The following USP46 variants were observed in gnomAD, a reference collection of about 807,000 sequenced individuals.
USP46 encodes the protein ubiquitin specific peptidase 46.
USP46 carries 12 observed loss-of-function variants against 44.4 expected under a neutral mutation model. The observed-to-expected ratio is 0.27, with a 90% CI of 0.17 to 0.44. The LOEUF is 0.44. USP46 is among the 20% of genes least tolerant of loss of function. The probability of loss-of-function intolerance (pLI) is 1.00; values close to 1 mark genes in which losing one functional copy is unlikely to be tolerated. For synonymous variants in USP46, 155 were observed against 161.5 expected (o/e 0.96, Z 0.31); for missense variants, 248 against 444.8 (o/e 0.56, Z 3.98).
chr4:52,638,524 T>A (rs1420882163), intron 1 of USP46, among the ~76,000 whole-genome samples: 1 of 151,702 alleles, frequency 6.6e-6, no homozygotes, highest in East Asian at 1.9e-4. Flanking sequence ...CCCCGCCCCA[T>A]GCTCTACTCC....
chr4:52,648,161 C>A (rs1330068461), intron 1 of USP46, among the ~76,000 whole-genome samples: 2 of 152,214 alleles, frequency 1.3e-5, no homozygotes, highest in African/African-American at 4.8e-5. Context: ...CCAACCATAT[C>A]TCAGCCATGT....
At position 52,591,866 on chromosome 4, in the gene USP46, A is replaced by G. The variant is rs1716031128; in HGVS notation, c.*5774T>C. ...TTTAGAAATAACAGATATTTGATTC[A>G]TAAAGCTCACTGTTGAGGCTTTCAT... On this transcript the variant is annotated 3_prime_UTR_variant, in exon 9 of 9. Coordinates refer to ENST00000441222, the MANE Select transcript of USP46 (RefSeq NM_022832.4). 1 of 152,258 alleles carries G rather than the reference A, an allele frequency of 6.6e-6. No homozygotes were observed. The highest frequency in any genetic ancestry group is 1.5e-5 in the Non-Finnish European group (1 of 68,034). 9.4% of individuals were successfully genotyped at this position (152,258 alleles called of 1,614,324 possible).
At chr4:52,616,823 T>C (rs1410604690) in intron 4 of USP46, among the ~76,000 whole-genome samples, 2 of 152,188 alleles carry the variant, frequency 1.3e-5, no homozygotes, top group Non-Finnish European at 1.5e-5. Flanking sequence ...TATTAGGATA[T>C]ATAAGAAAAT....
chr4:52,625,411 A>G (rs918228999), intron 4 of USP46, among the ~76,000 whole-genome samples: 3 of 152,144 alleles, frequency 2.0e-5, no homozygotes, highest in African/African-American at 4.8e-5. Flanking sequence ...CCACCCACAG[A>G]GTTGAAGTTA....
intron 7 of USP46, among the ~76,000 whole-genome samples, chr4:52,599,751 C>A (rs1044844528): frequency 7.9e-5 from 12 of 152,084 alleles, no homozygotes; most frequent in Non-Finnish European, 1.2e-4. Context: ...AAACTTCCCC[C>A]TCTGTTTACC....
chr4:52,606,005 A>G (rs7680727), intron 5 of USP46, among the ~76,000 whole-genome samples: 19,281 of 152,168 alleles, frequency 0.13, 1,223 homozygotes, highest in African/African-American at 0.16. Flanking sequence ...TCCAGCCCCT[A>G]TCACATTGCC....
At chr4:52,642,134 G>T (rs1718366024) in intron 1 of USP46, among the ~76,000 whole-genome samples, 1 of 152,186 alleles carries the variant, frequency 6.6e-6, no homozygotes. Flanking sequence ...AAGATCTCAG[G>T]ATGAGTCAGA....
chr4:52,632,958 A>AAG (rs1468770938), intron 1 of USP46, among the ~76,000 whole-genome samples: 18 of 79,072 alleles, frequency 2.3e-4, no homozygotes, highest in African/African-American at 1.1e-3. Context: ...GAAAGAAAGA[A>AAG]AGAAAGAAAG....
At chr4:52,603,625 CT>C (rs1346312181) in intron 6 of USP46, among the ~76,000 whole-genome samples, 1 of 152,164 alleles carries the variant, frequency 6.6e-6, no homozygotes, top group Non-Finnish European at 1.5e-5. Flanking sequence ...AGAACTGTAA[CT>C]GTCTAGTGTG....
At chr4:52,627,604 T>C (rs1560402837) in intron 3 of USP46, among the ~76,000 whole-genome samples, 1 of 152,272 alleles carries the variant, frequency 6.6e-6, no homozygotes, top group Non-Finnish European at 1.5e-5. Context: ...AGTACTATTT[T>C]ATTTAATTAT....
In USP46 at chr4:52,610,392, A is replaced by T. The variant is rs1716895392; in HGVS notation, c.638+149T>A. On this transcript the variant is annotated intron_variant, in intron 5 of 8. Coordinates refer to ENST00000441222, the MANE Select transcript of USP46 (RefSeq NM_022832.4). Reference sequence around the variant, plus strand: ...AGTGGGACTCTTCTCCAGACCACATAATCGCTCTTGGGAAAGGAGAGATAG... The same window carrying T: ...AGTGGGACTCTTCTCCAGACCACATTATCGCTCTTGGGAAAGGAGAGATAG... The T allele has an allele frequency of 2.9e-6, 2 of 694,934 alleles. 1 individual carries two copies. Among genetic ancestry groups the T allele is most frequent in the East Asian group, 5.5e-5 (2 of 36,576 alleles). 43.0% of individuals were successfully genotyped at this position (694,934 alleles called of 1,614,324 possible). A position where few individuals can be genotyped will look rare whatever the true frequency, so the allele number is the denominator to read the frequency against.
intron 4 of USP46, among the ~76,000 whole-genome samples, chr4:52,615,631 A>C (rs1717103955): frequency 6.6e-6 from 1 of 152,264 alleles, no homozygotes; most frequent in African/African-American, 2.4e-5. Flanking sequence ...CATACATAAA[A>C]GACCACATAT....
At chr4:52,607,674 A>C (rs933025465) in intron 5 of USP46, among the ~76,000 whole-genome samples, 2 of 152,184 alleles carry the variant, frequency 1.3e-5, no homozygotes, top group Admixed American at 6.5e-5. Flanking sequence ...TGAGTGGTTT[A>C]GCACCATCCT....
chr4:52,603,679 GTTCT>G (rs903634567), intron 6 of USP46, among the ~76,000 whole-genome samples: 3 of 151,982 alleles, frequency 2.0e-5, no homozygotes, highest in African/African-American at 7.3e-5. Flanking sequence ...CTTATCACCT[GTTCT>G]TTTTCTTTTT....
At chr4:52,626,526 T>C (rs1464392720) in intron 3 of USP46, among the ~76,000 whole-genome samples, 2 of 152,150 alleles carry the variant, frequency 1.3e-5, no homozygotes, top group Non-Finnish European at 2.9e-5. Context: ...AGGTTCACCA[T>C]GTTGGCCAGG....
chr4:52,633,918 C>T (rs1057261837), intron 1 of USP46, among the ~76,000 whole-genome samples: 2 of 152,156 alleles, frequency 1.3e-5, no homozygotes, highest in East Asian at 1.9e-4. Flanking sequence ...AACAGCACAG[C>T]GAAAAATCAA....
chr4:52,649,729 T>C (rs768361423), intron 1 of USP46, among the ~76,000 whole-genome samples: 7 of 152,244 alleles, frequency 4.6e-5, no homozygotes, highest in Non-Finnish European at 8.8e-5. Flanking sequence ...CAATATTTAT[T>C]TATTGAGCAC....
At chr4:52,618,436 G>GC (rs1411646378) in intron 4 of USP46, among the ~76,000 whole-genome samples, 3 of 151,898 alleles carry the variant, frequency 2.0e-5, no homozygotes, top group African/African-American at 7.3e-5. Flanking sequence ...GTTGCAGTAA[G>GC]CCAAGATCAC....
chr4:52,613,080 A>G (rs556400986), intron 4 of USP46, among the ~76,000 whole-genome samples: 1 of 152,308 alleles, frequency 6.6e-6, no homozygotes, highest in South Asian at 2.1e-4. Flanking sequence ...GCACATGGGG[A>G]GTCCACACTT....
Sources: gnomAD v4.1 joint callset for allele counts (sites outside exome capture counted in the v4.1 genomes callset) on GRCh38, gnomAD v4.1.1 for gene constraint, MANE v1.5 for transcripts, NCBI Gene and HGNC (gene_info 2026-07-23, HGNC 2026-07-21) for gene names.